Variants in POU6F2 observed in about 807,000 individuals in gnomAD.
The protein encoded by POU6F2 is POU domain, class 6, transcription factor 2.
Under a neutral mutation model 71.3 loss-of-function variants are expected in POU6F2, and 31 were observed. The ratio of observed to expected loss-of-function variants is 0.43; its 90% CI spans 0.33 to 0.59. The LOEUF is 0.59. Ranked by LOEUF, POU6F2 falls within the 20% of genes least tolerant of loss-of-function variation. The probability of loss-of-function intolerance (pLI) is 0.04; values close to 1 mark genes in which losing one functional copy is unlikely to be tolerated. For synonymous variants in POU6F2, 347 were observed against 355.7 expected (o/e 0.98, Z 0.27); for missense variants, 783 against 856.8 (o/e 0.91, Z 1.07).
intron 5 of POU6F2, among the ~76,000 whole-genome samples, chr7:39,396,556 C>A (rs765522433): frequency 6.6e-6 from 1 of 152,198 alleles, no homozygotes; most frequent in Non-Finnish European, 1.5e-5. Flanking sequence ...CCTCTGTCCA[C>A]CTGCAATGAA....
chr7:39,252,393 C>G (rs1341659165), intron 4 of POU6F2, among the ~76,000 whole-genome samples: 1 of 86,450 alleles, frequency 1.2e-5, no homozygotes, highest in Non-Finnish European at 2.5e-5. Context: ...TACAGACAGA[C>G]AGACAGACAC....
chr7:39,046,251 C>T (rs749334075), intron 1 of POU6F2, among the ~76,000 whole-genome samples: 93 of 151,876 alleles, frequency 6.1e-4, no homozygotes, highest in Middle Eastern at 6.8e-3. Context: ...ATTTGTATAT[C>T]TCATTTGGCG....
intron 4 of POU6F2, chr7:39,329,035 G>A (rs928624316): frequency 1.9e-5 from 3 of 160,330 alleles, no homozygotes; most frequent in East Asian, 1.7e-4. Flanking sequence ...ATATGAAAAC[G>A]GTTACTTCAT....
intron 8 of POU6F2, among the ~76,000 whole-genome samples, chr7:39,454,409 C>T (rs978094890): frequency 6.6e-6 from 1 of 151,790 alleles, no homozygotes; most frequent in Non-Finnish European, 1.5e-5. Flanking sequence ...AGCTTCTAAT[C>T]ATAGCTTTGT....
At chr7:39,136,519 G>A (rs1792391922) in intron 2 of POU6F2, among the ~76,000 whole-genome samples, 2 of 152,292 alleles carry the variant, frequency 1.3e-5, no homozygotes, top group East Asian at 1.9e-4. Context: ...AAGAACTGAA[G>A]GCTGATGTGG....
intron 4 of POU6F2, among the ~76,000 whole-genome samples, chr7:39,317,636 A>G (rs1288147224): frequency 6.6e-6 from 1 of 152,208 alleles, no homozygotes; most frequent in East Asian, 1.9e-4. Flanking sequence ...TCCTCATTGA[A>G]TCATATATTT....
intron 1 of POU6F2, among the ~76,000 whole-genome samples, chr7:39,025,202 A>G (rs1177619684): frequency 6.6e-6 from 1 of 152,168 alleles, no homozygotes; most frequent in Non-Finnish European, 1.5e-5. Flanking sequence ...TGGTCTATTC[A>G]GAGATTCAAC....
chr7:39,454,689 T>TA (rs1562559050), intron 8 of POU6F2, among the ~76,000 whole-genome samples: 2 of 35,714 alleles, frequency 5.6e-5, no homozygotes, highest in African/African-American at 3.0e-4. Context: ...TATATATATA[T>TA]ATATATATAT....
intron 2 of POU6F2, among the ~76,000 whole-genome samples, chr7:39,109,900 T>G (rs1481923818): frequency 1.3e-5 from 2 of 152,246 alleles, no homozygotes; most frequent in African/African-American, 2.4e-5. Flanking sequence ...CAGCTCATGC[T>G]GGCTTGTGAG....
intron 4 of POU6F2, among the ~76,000 whole-genome samples, chr7:39,320,970 C>A (rs111533824): frequency 9.9e-5 from 15 of 152,254 alleles, no homozygotes; most frequent in African/African-American, 3.6e-4. Context: ...GTGGGAGGAT[C>A]GCTTGATCCC....
intron 1 of POU6F2, among the ~76,000 whole-genome samples, chr7:39,005,484 C>CTGTGTGTGTGTGTGTGTG (rs56984287): frequency 0.08 from 10,114 of 126,476 alleles, 604 homozygotes; most frequent in East Asian, 0.18. Flanking sequence ...AGGGAGAAAC[C>CTGTGTGTGTGTGTGTGTG]TGTGTGTGTG....
intron 4 of POU6F2, among the ~76,000 whole-genome samples, chr7:39,304,104 A>T (rs1384139518): frequency 6.6e-6 from 1 of 152,230 alleles, no homozygotes; most frequent in Non-Finnish European, 1.5e-5. Context: ...AAAATTTTCA[A>T]TGATTTTATA....
chr7:39,045,779 C>T (rs1411393885), intron 1 of POU6F2, among the ~76,000 whole-genome samples: 3 of 151,866 alleles, frequency 2.0e-5, no homozygotes, highest in African/African-American at 7.2e-5. Context: ...TACAAATTGG[C>T]CTTTTCCAGA....
intron 4 of POU6F2, among the ~76,000 whole-genome samples, chr7:39,271,634 G>A (rs1784341382): frequency 6.6e-6 from 1 of 152,108 alleles, no homozygotes; most frequent in African/African-American, 2.4e-5. Context: ...GATTATCCCA[G>A]CAGCGTGAGC....
chr7:39,456,570 G>A (rs141678046), intron 8 of POU6F2, among the ~76,000 whole-genome samples: 47 of 152,306 alleles, frequency 3.1e-4, no homozygotes, highest in African/African-American at 1.1e-3. Context: ...AGTCCCACAG[G>A]TAGTAATCAG....
intron 4 of POU6F2, among the ~76,000 whole-genome samples, chr7:39,244,376 G>T (rs745949296): frequency 2.0e-5 from 3 of 152,154 alleles, no homozygotes; most frequent in African/African-American, 7.2e-5. Context: ...CAAGAGCTGA[G>T]CCTGAGTACC....
intron 2 of POU6F2, among the ~76,000 whole-genome samples, chr7:39,113,671 A>AT (rs1200189087): frequency 1.3e-5 from 2 of 152,146 alleles, no homozygotes; most frequent in African/African-American, 4.8e-5. Flanking sequence ...TTTATTGCAA[A>AT]TTGGCTGTTT....
intron 1 of POU6F2, among the ~76,000 whole-genome samples, chr7:38,994,192 A>G (rs1227646882): frequency 1.3e-5 from 2 of 152,130 alleles, no homozygotes; most frequent in African/African-American, 4.8e-5. Flanking sequence ...ACAACCTGGA[A>G]ATTGGAAACA....
At chr7:39,316,675 T>C (rs1391957982) in intron 4 of POU6F2, among the ~76,000 whole-genome samples, 2 of 152,222 alleles carry the variant, frequency 1.3e-5, no homozygotes, top group African/African-American at 2.4e-5. Flanking sequence ...TATTGTCTCC[T>C]GTGAAAGACT....
Sources: gnomAD v4.1 joint callset for allele counts (sites outside exome capture counted in the v4.1 genomes callset) on GRCh38, gnomAD v4.1.1 for gene constraint, MANE v1.5 for transcripts, NCBI Gene and HGNC (gene_info 2026-07-23, HGNC 2026-07-21) for gene names.